The following BCHE variants were observed in gnomAD, a reference collection of about 807,000 sequenced individuals.
The protein encoded by BCHE is cholinesterase.
BCHE carries 48 observed loss-of-function variants against 51.3 expected under a neutral mutation model. That is an observed-to-expected ratio of 0.94 (90% CI 0.74 to 1.19). The LOEUF (loss-of-function observed/expected upper bound fraction) is 1.19, where lower values mean the gene tolerates loss of function less well. BCHE is among the 50% of genes most tolerant of loss of function. The pLI, the probability that BCHE is intolerant of heterozygous loss-of-function variation, is 0.00. For missense variants in BCHE, 847 were observed against 708.2 expected (o/e 1.20, Z -2.23); for synonymous variants, 251 against 238.0 (o/e 1.05, Z -0.50).
Position 165,830,407 on chromosome 3 carries a change from A to AT in BCHE, c.626dup (p.Asn209LysfsTer10), listed in dbSNP as rs769660002. On this transcript the variant is annotated frameshift_variant, in exon 2 of 4. Transcript: ENST00000264381. LOFTEE classifies it high-confidence loss of function. ...TAGGATTTCCACCAAAGGCTGCTAT[A>AT]TTTTTTTGAACCCACTGAAGAGCCA... 5 of 1,613,782 alleles carry AT rather than the reference A, an allele frequency of 3.1e-6. No homozygotes were observed. Among genetic ancestry groups the AT allele is most frequent in the Non-Finnish European group, 4.2e-6 (5 of 1,179,910 alleles).
chr3:165,816,108 T>A (rs1368167917), intron 2 of BCHE, among the ~76,000 whole-genome samples: 1 of 151,860 alleles, frequency 6.6e-6, no homozygotes, highest in African/African-American at 2.4e-5. Context: ...GGAATACATA[T>A]CAAAGAAACA....
At chr3:165,795,854 T>C (rs566338136) in intron 2 of BCHE, among the ~76,000 whole-genome samples, 2 of 152,104 alleles carry the variant, frequency 1.3e-5, no homozygotes, top group African/African-American at 4.8e-5. Context: ...TGTTTCATCA[T>C]TCCTGACTTG....
rs565124473 is a variant in BCHE at position 165,806,245 on chromosome 3, C to T, written c.1518-19934G>A. On this transcript the variant is annotated intron_variant, in intron 2 of 3. Transcript: ENST00000264381. Reference sequence around the variant, plus strand: ...ATAACTCCCCAGATTCATGTCTCCTCACACCTGCCTTTTTACTTTCTCTTT... The same window carrying T: ...ATAACTCCCCAGATTCATGTCTCCTTACACCTGCCTTTTTACTTTCTCTTT... 7.9e-5 allele frequency among the ~76,000 whole-genome samples: 12 copies of T among 152,288 alleles called. No homozygotes were observed. In the South Asian group the frequency reaches 1.9e-3, roughly 24 times the overall value.
Position 165,829,995 on chromosome 3 carries a change from C to T in BCHE, c.1039G>A (p.Val347Met), listed in dbSNP as rs749752833. The change falls in exon 2 of 4, where the codon GTG becomes ATG. Residue 347 changes from valine to methionine, a missense_variant. Transcript: ENST00000264381. ...GTCCCTTCATCTTTATTAACACCCACCAAAATCTGGGTTTTTTTAAATTGT... is the reference window on the plus strand; with the variant it reads ...GTCCCTTCATCTTTATTAACACCCATCAAAATCTGGGTTTTTTTAAATTGT... ...LGQFKKTQIL[V>M]GVNKDEGTAF... 5 of 1,613,794 alleles carry T rather than the reference C, an allele frequency of 3.1e-6. No individual in the cohort carries two copies. The highest frequency in any genetic ancestry group is 1.7e-5 in the Admixed American group (1 of 59,892).
chr3:165,798,098 G>A (rs1176347596), intron 2 of BCHE, among the ~76,000 whole-genome samples: 4 of 152,236 alleles, frequency 2.6e-5, no homozygotes, highest in Non-Finnish European at 5.9e-5. Context: ...TTTGACTCTT[G>A]TAGACTTGCA....
chr3:165,808,133 G>A (rs1478296668), intron 2 of BCHE, among the ~76,000 whole-genome samples: 1 of 152,012 alleles, frequency 6.6e-6, no homozygotes, highest in Non-Finnish European at 1.5e-5. Context: ...ACAGGTGCCT[G>A]CCACCACGCC....
intron 2 of BCHE, among the ~76,000 whole-genome samples, chr3:165,787,136 C>G (rs1712985308): frequency 6.6e-6 from 1 of 151,488 alleles, no homozygotes; most frequent in Admixed American, 6.6e-5. Flanking sequence ...ATGATATTTC[C>G]CATGCTTATA....
chr3:165,818,230 C>G (rs866652740), intron 2 of BCHE, among the ~76,000 whole-genome samples: 2 of 151,560 alleles, frequency 1.3e-5, no homozygotes, highest in Middle Eastern at 3.4e-3. Context: ...ATAATATAAA[C>G]TATAAAATAA....
chr3:165,803,048 AT>A (rs143152308), intron 2 of BCHE, among the ~76,000 whole-genome samples: 1 of 152,078 alleles, frequency 6.6e-6, no homozygotes, highest in African/African-American at 2.4e-5. Context: ...AATAGATGAT[AT>A]TTTTTAAAGG....
Position 165,830,007 on chromosome 3 carries a change from T to G in BCHE, c.1027A>C (p.Thr343Pro). Residue 343 changes from threonine to proline, a missense_variant, in exon 2 of 4, where the codon ACC (threonine) becomes CCC (proline). Physicochemically the swap from Thr to Pro is conservative, Grantham distance 38 (BLOSUM62 -1). Transcript: ENST00000264381. ...TTATTAACACCCACCAAAATCTGGG[T>G]TTTTTTAAATTGTCCAAGTTCAAGT... Reference protein sequence around the residue: ...ILLELGQFKKTQILVGVNKDE... With the variant: ...ILLELGQFKKPQILVGVNKDE... 1 of 1,613,674 alleles carries G rather than the reference T, an allele frequency of 6.2e-7. No individual in the cohort carries two copies. The highest frequency in any genetic ancestry group is 8.5e-7 in the Non-Finnish European group (1 of 1,179,836).
Position 165,829,793 on chromosome 3 carries a change from C to A in BCHE, c.1241G>T (p.Arg414Leu), listed in dbSNP as rs778566503. Residue 414 changes from arginine to leucine, a missense_variant, in exon 2 of 4, where the codon CGT (arginine) becomes CTT (leucine). Transcript: ENST00000264381. Reference sequence around the variant, plus strand: ...CCCAACAACATCACCCAAGGCCTCACGGTAGTTTTCAGGTCTCTGATCATC... The same window carrying A: ...CCCAACAACATCACCCAAGGCCTCAAGGTAGTTTTCAGGTCTCTGATCATC... ...WVDDQRPENY[R>L]EALGDVVGDY... 6.2e-7 allele frequency: 1 copy of A among 1,613,832 alleles called. No homozygotes were observed. Among genetic ancestry groups the A allele is most frequent in the African/African-American group, 1.3e-5 (1 of 74,996 alleles).
At position 165,816,075 on chromosome 3, in the gene BCHE, G is replaced by T. The variant is rs181928934; in HGVS notation, c.1517+13442C>A. Among the ~76,000 whole-genome samples, 300 of 151,494 alleles carry T rather than the reference G, an allele frequency of 2.0e-3. 2 individuals carry two copies. Among genetic ancestry groups the T allele is most frequent in the Admixed American group, 5.7e-3 (86 of 15,082 alleles). ...ATTTAGGGCACAGTACAAGTCAATA[G>T]GTTTCAATATGACCTTTTCTATGGA... is the stretch of plus-strand genomic sequence containing the variant. On this transcript the variant is annotated intron_variant, in intron 2 of 3. Coordinates refer to ENST00000264381, the MANE Select transcript of BCHE (RefSeq NM_000055.4).
intron 2 of BCHE, among the ~76,000 whole-genome samples, chr3:165,801,430 A>G (rs757572702): frequency 1.3e-5 from 2 of 152,224 alleles, no homozygotes; most frequent in Non-Finnish European, 2.9e-5. Flanking sequence ...TTGTTTTATT[A>G]AATGTTATAC....
rs201865987 is a variant in BCHE at position 165,829,434 on chromosome 3, T to C, written c.1517+83A>G. On this transcript the variant is annotated intron_variant, in intron 2 of 3. Transcript: ENST00000264381. The stretch of plus-strand genomic sequence containing the variant: ...TTAAAACATTTCTGTGTCTTTATAC[T>C]AAAGTCTACCCCAGAGACCAAGCAA... 4.0e-4 allele frequency: 478 copies of C among 1,197,578 alleles called. 2 individuals carry two copies. In the East Asian group the frequency reaches 8.7e-3, roughly 22 times the overall value. The allele number at this position is 1,197,578 out of a possible 1,614,324, so 74.2% of individuals were successfully genotyped here.
intron 2 of BCHE, among the ~76,000 whole-genome samples, chr3:165,813,932 C>G (rs142484571): frequency 6.6e-6 from 1 of 151,902 alleles, no homozygotes; most frequent in Non-Finnish European, 1.5e-5. Context: ...GTCTGAGTAA[C>G]TAACAGAATA....
intron 1 of BCHE, 141 bp from the exon 2 acceptor site, chr3:165,831,182 A>G (rs954440150): frequency 7.2e-6 from 5 of 690,596 alleles, no homozygotes; most frequent in Middle Eastern, 4.2e-4. Flanking sequence ...GTAAAGGCCT[A>G]CATAGGAAAA....
chr3:165,816,681 C>T (rs117910643), intron 2 of BCHE, among the ~76,000 whole-genome samples: 2 of 152,146 alleles, frequency 1.3e-5, no homozygotes, highest in East Asian at 1.9e-4. Flanking sequence ...ATATTCTATA[C>T]GGATACTCCT....
chr3:165,822,348 T>C (rs1392725030), intron 2 of BCHE, among the ~76,000 whole-genome samples: 1 of 152,010 alleles, frequency 6.6e-6, no homozygotes, highest in Non-Finnish European at 1.5e-5. Context: ...TTGTACTTTT[T>C]TTGGTGTGGA....
intron 2 of BCHE, among the ~76,000 whole-genome samples, chr3:165,815,165 T>C (rs2108224678): frequency 6.6e-6 from 1 of 151,496 alleles, no homozygotes; most frequent in Admixed American, 6.6e-5. Flanking sequence ...AGTATGTATC[T>C]GGAATAATGT....
Sources: gnomAD v4.1 joint callset for allele counts (sites outside exome capture counted in the v4.1 genomes callset) on GRCh38, gnomAD v4.1.1 for gene constraint, MANE v1.5 for transcripts, NCBI Gene and HGNC (gene_info 2026-07-23, HGNC 2026-07-21) for gene names.